The following ST6GAL1 variants were observed in gnomAD, a reference collection of about 807,000 sequenced individuals.
The protein encoded by ST6GAL1 is beta-galactoside alpha-2,6-sialyltransferase 1.
A neutral mutation model predicts 38.0 loss-of-function variants in ST6GAL1; 20 were observed. The observed-to-expected ratio is 0.53, with a 90% CI of 0.37 to 0.77. The LOEUF is 0.77. ST6GAL1 is among the 30% of genes least tolerant of loss of function. The pLI, the probability that ST6GAL1 is intolerant of heterozygous loss-of-function variation, is 0.00. For synonymous variants in ST6GAL1, 196 were observed against 188.2 expected (o/e 1.04, Z -0.34); for missense variants, 432 against 496.4 (o/e 0.87, Z 1.23).
rs951724438 is a variant in ST6GAL1, at chr3:187,074,352, A to G, written c.979+19A>G. The G allele has an allele frequency of 1.2e-5, 19 of 1,539,238 alleles. No individual in the cohort carries two copies. The highest frequency in any genetic ancestry group is 1.6e-5 in the Non-Finnish European group (18 of 1,146,212). On this transcript the variant is annotated intron_variant, in intron 7 of 7. Transcript: ENST00000169298. ...ATGCTTGGTGAGTTCATGTCGGGGA[A>G]AAGACCTTGCATGTTTGTTTCTAGA...
intron 2 of ST6GAL1, among the ~76,000 whole-genome samples, chr3:187,024,493 T>TATATAG (rs1275438498): frequency 4.8e-4 from 41 of 85,800 alleles, no homozygotes; most frequent in Admixed American, 1.3e-3. Flanking sequence ...TATATATATA[T>TATATAG]AGAGAGAGAG....
At chr3:186,972,239 C>T (rs1715374366) in intron 2 of ST6GAL1, among the ~76,000 whole-genome samples, 1 of 151,190 alleles carries the variant, frequency 6.6e-6, no homozygotes, top group African/African-American at 2.4e-5. Flanking sequence ...CTACCTGCTA[C>T]TTTCTTACTT....
At chr3:187,023,843 C>A (rs998509503) in intron 2 of ST6GAL1, among the ~76,000 whole-genome samples, 1 of 151,236 alleles carries the variant, frequency 6.6e-6, no homozygotes, top group African/African-American at 2.4e-5. Flanking sequence ...ATGTAACAAA[C>A]CTGCACGTTG....
chr3:186,966,429 A>G (rs529979812), intron 2 of ST6GAL1, among the ~76,000 whole-genome samples: 1 of 152,354 alleles, frequency 6.6e-6, no homozygotes, highest in South Asian at 2.1e-4. Context: ...ACAGCTCATA[A>G]GCAAAAGAGA....
intron 2 of ST6GAL1, among the ~76,000 whole-genome samples, chr3:187,001,772 A>G (rs1716624569): frequency 6.6e-6 from 1 of 152,114 alleles, no homozygotes; most frequent in Admixed American, 6.5e-5. Flanking sequence ...CCTGGTCAAC[A>G]TGGTGAAACC....
intron 2 of ST6GAL1, 78 bp from the exon 3 acceptor site, chr3:187,038,664 G>A (rs1192959446): frequency 6.6e-6 from 1 of 152,136 alleles, no homozygotes; most frequent in Non-Finnish European, 1.5e-5. Flanking sequence ...TTTCCATCTT[G>A]TTAATGTTTA....
At chr3:187,035,367 A>G (rs960098272) in intron 2 of ST6GAL1, among the ~76,000 whole-genome samples, 17 of 152,228 alleles carry the variant, frequency 1.1e-4, no homozygotes, top group African/African-American at 3.9e-4. Flanking sequence ...CTATCAAACT[A>G]CCAATGTCAT....
At chr3:187,070,424 CTTTTT>C (rs34389560) in intron 5 of ST6GAL1, among the ~76,000 whole-genome samples, 4 of 99,126 alleles carry the variant, frequency 4.0e-5, no homozygotes, top group African/African-American at 1.3e-4. Flanking sequence ...AACACTTGCT[CTTTTT>C]TTTTTTTTTT....
intron 5 of ST6GAL1, among the ~76,000 whole-genome samples, chr3:187,067,031 T>G (rs1719171430): frequency 6.6e-6 from 1 of 151,800 alleles, no homozygotes; most frequent in South Asian, 2.1e-4. Context: ...GAACCCATGC[T>G]TCCAATTCCC....
At chr3:186,953,980 C>T (rs1714663892) in intron 1 of ST6GAL1, among the ~76,000 whole-genome samples, 1 of 152,138 alleles carries the variant, frequency 6.6e-6, no homozygotes, top group African/African-American at 2.4e-5. Flanking sequence ...GATGCTCTCC[C>T]TCCCCCAGGC....
chr3:186,951,503 A>G (rs749102363), intron 1 of ST6GAL1, among the ~76,000 whole-genome samples: 3 of 152,130 alleles, frequency 2.0e-5, no homozygotes, highest in Non-Finnish European at 4.4e-5. Context: ...TTCCTCTCAA[A>G]CTAACGAAAT....
chr3:187,009,986 C>G (rs902537748), intron 2 of ST6GAL1, among the ~76,000 whole-genome samples: 2 of 152,108 alleles, frequency 1.3e-5, no homozygotes, highest in African/African-American at 4.8e-5. Flanking sequence ...GCCTGGGCAA[C>G]AGAGCGAGAC....
At chr3:186,974,271 C>A (rs1715448814) in intron 2 of ST6GAL1, among the ~76,000 whole-genome samples, 1 of 152,172 alleles carries the variant, frequency 6.6e-6, no homozygotes, top group Non-Finnish European at 1.5e-5. Context: ...TGAGATTACC[C>A]ATATCCAACC....
intron 2 of ST6GAL1, among the ~76,000 whole-genome samples, chr3:186,969,696 T>C (rs1215885961): frequency 1.3e-5 from 2 of 152,192 alleles, no homozygotes; most frequent in South Asian, 2.1e-4. Flanking sequence ...GCACAGGAAG[T>C]GCAGAGGAAG....
At chr3:186,967,960 A>G (rs1332133579) in intron 2 of ST6GAL1, among the ~76,000 whole-genome samples, 2 of 152,082 alleles carry the variant, frequency 1.3e-5, no homozygotes, top group African/African-American at 4.8e-5. Context: ...TGTTGGAGGT[A>G]TTTGTGGCAG....
At chr3:186,992,235 T>C (rs1716197614) in intron 2 of ST6GAL1, among the ~76,000 whole-genome samples, 1 of 152,158 alleles carries the variant, frequency 6.6e-6, no homozygotes, top group African/African-American at 2.4e-5. Context: ...CCCCATGCTG[T>C]TCTCATGATA....
chr3:186,934,498 G>T (rs1462651623), intron 1 of ST6GAL1, among the ~76,000 whole-genome samples: 4 of 151,976 alleles, frequency 2.6e-5, no homozygotes, highest in Non-Finnish European at 4.4e-5. Flanking sequence ...GGAGGTGGAG[G>T]TTGCAGTGAG....
At chr3:187,005,269 CTTTTT>C (rs58085172) in intron 2 of ST6GAL1, among the ~76,000 whole-genome samples, 5 of 103,954 alleles carry the variant, frequency 4.8e-5, no homozygotes, top group Non-Finnish European at 6.0e-5. Context: ...TTTTCTTTTT[CTTTTT>C]TTTTTTTTTT....
intron 2 of ST6GAL1, among the ~76,000 whole-genome samples, chr3:187,000,151 C>T (rs1716567020): frequency 6.6e-6 from 1 of 152,106 alleles, no homozygotes; most frequent in East Asian, 1.9e-4. Flanking sequence ...AAAATGTATC[C>T]TGCCTCCTGA....
Sources: allele counts gnomAD v4.1 joint callset (sites outside exome capture counted in the v4.1 genomes callset), GRCh38; gene constraint gnomAD v4.1.1; transcripts MANE v1.5; gene names NCBI Gene and HGNC (gene_info 2026-07-23, HGNC 2026-07-21).